Variants in SLC25A25 observed in about 807,000 individuals in gnomAD.
SLC25A25 encodes the protein solute carrier family 25 member 25.
In SLC25A25, 32 loss-of-function variants were observed where a neutral mutation model predicts 57.7. That is an observed-to-expected ratio of 0.55 (90% CI 0.42 to 0.74). The LOEUF (loss-of-function observed/expected upper bound fraction) is 0.74, where lower values mean the gene tolerates loss of function less well. SLC25A25 is among the 30% of genes least tolerant of loss of function. SLC25A25 has a pLI of 0.00. For missense variants in SLC25A25, 556 were observed against 701.3 expected, an observed-to-expected ratio of 0.79 and a Z score of 2.34; for synonymous variants, 306 against 291.2, an observed-to-expected ratio of 1.05 and a Z score of -0.52.
At chr9:128,076,363 G>A (rs185040619) in intron 1 of SLC25A25, among the ~76,000 whole-genome samples, 1 of 152,006 alleles carries the variant, frequency 6.6e-6, no homozygotes, top group Non-Finnish European at 1.5e-5. Flanking sequence ...ACTCCTGAAC[G>A]CATGTGATCC....
At chr9:128,072,513 A>G (rs764011281) in intron 1 of SLC25A25, among the ~76,000 whole-genome samples, 25 of 152,370 alleles carry the variant, frequency 1.6e-4, no homozygotes, top group Non-Finnish European at 2.2e-4. Context: ...TTCTTAGCTT[A>G]TAACAGTCTG....
intron 1 of SLC25A25, among the ~76,000 whole-genome samples, chr9:128,094,788 G>A (rs1302470102): frequency 6.6e-6 from 1 of 152,162 alleles, no homozygotes. Flanking sequence ...AGCTTTTGGT[G>A]GCATTGGCAG....
At chr9:128,106,544 T>C in intron 9 of SLC25A25, 24 bp downstream of exon 9, 1 of 1,566,842 alleles carries the variant, frequency 6.4e-7, no homozygotes, top group Non-Finnish European at 8.6e-7. Flanking sequence ...TGGACAGATT[T>C]AGAAACCTCC....
chr9:128,100,816 C>G (rs1485258193), intron 1 of SLC25A25: 1 of 431,304 alleles, frequency 2.3e-6, no homozygotes, highest in African/African-American at 2.0e-5. Flanking sequence ...GGCCTCTGTC[C>G]GGAGGGCTCT....
rs1055169675 is a variant in SLC25A25 at position 128,103,634 on chromosome 9, C to G, written c.625-47C>G. On this transcript the variant is annotated intron_variant, in intron 5 of 10. Transcript: ENST00000373069. The surrounding 1 kb of genome is among the most constrained non-coding windows in gnomAD (Gnocchi z 6.7). The stretch of plus-strand genomic sequence containing the variant: ...GTAGACGGCGACAGGTGCCAGCAGC[C>G]TTGCCCCAAGGGTCCTGAGTCAGGC... The G allele has an allele frequency of 6.2e-7, 1 of 1,613,532 alleles. No individual in the cohort carries two copies. The highest frequency in any genetic ancestry group is 8.5e-7 in the Non-Finnish European group (1 of 1,179,702).
At position 128,105,718 on chromosome 9, in the gene SLC25A25, C is replaced by G. The variant is rs1168577471; in HGVS notation, c.784-11C>G. 5.0e-6 allele frequency: 8 copies of G among 1,612,212 alleles called. No homozygotes were observed. The African/African-American group carries it at 1.1e-4, about 22-fold the overall frequency. On this transcript the variant is annotated splice_polypyrimidine_tract_variant and intron_variant, in intron 6 of 10. Transcript: ENST00000373069. Reference sequence around the variant, plus strand: ...CCCGGGTCCGTCTGACTGTTCGGTCCTCCCTCCCAGGTCCATGCCTCCCGC... The same window carrying G: ...CCCGGGTCCGTCTGACTGTTCGGTCGTCCCTCCCAGGTCCATGCCTCCCGC...
At chr9:128,092,016 A>T (rs1214490034) in intron 1 of SLC25A25, 2 of 1,613,956 alleles carry the variant, frequency 1.2e-6, no homozygotes, top group Admixed American at 3.3e-5. Flanking sequence ...GGGAAACAGG[A>T]CGGAAGGGCT....
chr9:128,092,779 G>A (rs1333484848), intron 1 of SLC25A25, among the ~76,000 whole-genome samples: 1 of 152,222 alleles, frequency 6.6e-6, no homozygotes, highest in African/African-American at 2.4e-5. Flanking sequence ...CTGAGGTGCA[G>A]AATGGTTACA....
At chr9:128,100,853 T>C in intron 1 of SLC25A25, 1 of 515,620 alleles carries the variant, frequency 1.9e-6, no homozygotes, top group Non-Finnish European at 3.5e-6. Flanking sequence ...TCCTCTCTGC[T>C]TGAGAGGGAG....
intron 1 of SLC25A25, among the ~76,000 whole-genome samples, chr9:128,077,839 A>G (rs1436454631): frequency 6.6e-6 from 1 of 152,072 alleles, no homozygotes; most frequent in Non-Finnish European, 1.5e-5. Context: ...CAGCCTGGCC[A>G]ACATGTAGAA....
chr9:128,071,558 G>A (rs1436192717), intron 1 of SLC25A25, among the ~76,000 whole-genome samples: 1 of 125,690 alleles, frequency 8.0e-6, no homozygotes, highest in African/African-American at 2.9e-5. Flanking sequence ...GCACCACCAC[G>A]CCCTGCTAAT....
intron 1 of SLC25A25, among the ~76,000 whole-genome samples, chr9:128,081,698 G>A (rs55935506): frequency 0.012 from 1,901 of 152,244 alleles, 17 homozygotes; most frequent in Non-Finnish European, 0.021. Flanking sequence ...GGAGGCTGAG[G>A]TGGGAGGATT....
intron 1 of SLC25A25, among the ~76,000 whole-genome samples, chr9:128,089,861 G>A (rs937175863): frequency 2.6e-5 from 4 of 151,750 alleles, no homozygotes; most frequent in Non-Finnish European, 5.9e-5. Context: ...TCTCAGACTC[G>A]TCGGCTCAGG....
chr9:128,085,084 C>A (rs537246840), intron 1 of SLC25A25, among the ~76,000 whole-genome samples: 5 of 152,294 alleles, frequency 3.3e-5, no homozygotes, highest in Admixed American at 1.3e-4. Context: ...AATCCCAGTA[C>A]TTTGGGAGGC....
chr9:128,088,579 A>G (rs1833329496), intron 1 of SLC25A25, among the ~76,000 whole-genome samples: 1 of 152,170 alleles, frequency 6.6e-6, no homozygotes, highest in African/African-American at 2.4e-5. Flanking sequence ...AGCTGGGGCA[A>G]TGGGAGGCGC....
At chr9:128,093,733 G>T (rs932113535) in intron 1 of SLC25A25, among the ~76,000 whole-genome samples, 2 of 152,258 alleles carry the variant, frequency 1.3e-5, no homozygotes, top group Non-Finnish European at 2.9e-5. Flanking sequence ...CATGGATGCA[G>T]CCCGCATCCT....
At chr9:128,074,644 G>C (rs369968588) in intron 1 of SLC25A25, among the ~76,000 whole-genome samples, 36 of 152,216 alleles carry the variant, frequency 2.4e-4, no homozygotes, top group African/African-American at 8.2e-4. Context: ...AGGAGACGGA[G>C]GTTGCAGTGA....
At chr9:128,080,349 C>CAATAAAAA (rs1404276133) in intron 1 of SLC25A25, among the ~76,000 whole-genome samples, 1 of 108,662 alleles carries the variant, frequency 9.2e-6, no homozygotes, top group Non-Finnish European at 1.9e-5. Flanking sequence ...GACTCCATCC[C>CAATAAAAA]AAAAAAAAAA....
chr9:128,092,050 C>T, intron 1 of SLC25A25: 3 of 1,613,942 alleles, frequency 1.9e-6, no homozygotes, highest in Non-Finnish European at 2.5e-6. Flanking sequence ...AAAGACCCAC[C>T]ATTTTGCTGG....
Sources: gnomAD v4.1 joint callset for allele counts (sites outside exome capture counted in the v4.1 genomes callset) on GRCh38, gnomAD v4.1.1 for gene constraint, Gnocchi (gnomAD v3.1) non-coding constraint, MANE v1.5 for transcripts, NCBI Gene and HGNC (gene_info 2026-07-23, HGNC 2026-07-21) for gene names.